The following TRHR variants were observed in gnomAD, a reference collection of about 807,000 sequenced individuals.
TRHR encodes the protein thyrotropin releasing hormone receptor.
Under a neutral mutation model 28.0 loss-of-function variants are expected in TRHR, and 14 were observed. The observed-to-expected ratio is 0.50, with a 90% CI of 0.33 to 0.78. TRHR has a LOEUF of 0.78. Among genes scored for constraint, TRHR ranks in the 30% least tolerant of loss-of-function variants. The pLI, the probability that TRHR is intolerant of heterozygous loss-of-function variation, is 0.02. For missense variants in TRHR, 438 were observed against 469.5 expected (o/e 0.93, Z 0.62); for synonymous variants, 176 against 171.9 (o/e 1.02, Z -0.18).
intron 2 of TRHR, among the ~76,000 whole-genome samples, chr8:109,116,403 T>A (rs1811922180): frequency 6.6e-6 from 1 of 152,138 alleles, no homozygotes; most frequent in Non-Finnish European, 1.5e-5. Flanking sequence ...GTACCTTTGG[T>A]AGAGTTCGGC....
intron 2 of TRHR, among the ~76,000 whole-genome samples, chr8:109,116,964 A>T (rs1358425211): frequency 6.6e-6 from 1 of 152,162 alleles, no homozygotes; most frequent in East Asian, 1.9e-4. Flanking sequence ...ACCTTGAAAC[A>T]GGTTGCTCTT....
chr8:109,096,786 T>C (rs528029129), intron 2 of TRHR, among the ~76,000 whole-genome samples: 2 of 152,184 alleles, frequency 1.3e-5, no homozygotes, highest in South Asian at 4.2e-4. Context: ...TACAAATATA[T>C]GTGTATATAT....
At chr8:109,114,499 G>A (rs1350373905) in intron 2 of TRHR, among the ~76,000 whole-genome samples, 2 of 151,972 alleles carry the variant, frequency 1.3e-5, no homozygotes, top group East Asian at 3.9e-4. Flanking sequence ...AGCACTCCAC[G>A]GAGTGTGACA....
intron 2 of TRHR, among the ~76,000 whole-genome samples, chr8:109,107,008 G>A (rs1435316819): frequency 6.6e-6 from 1 of 152,042 alleles, no homozygotes; most frequent in Non-Finnish European, 1.5e-5. Context: ...GAGACATGAG[G>A]GAAAGTAACT....
intron 2 of TRHR, among the ~76,000 whole-genome samples, chr8:109,093,249 C>T (rs1412403094): frequency 6.6e-6 from 1 of 151,896 alleles, no homozygotes; most frequent in Non-Finnish European, 1.5e-5. Context: ...GTGATCCCCA[C>T]CTCGCTGGGC....
At chr8:109,104,636 C>T (rs981626866) in intron 2 of TRHR, among the ~76,000 whole-genome samples, 24 of 152,012 alleles carry the variant, frequency 1.6e-4, no homozygotes, top group African/African-American at 5.8e-4. Flanking sequence ...CCCTGAAGAA[C>T]AGGACATTTT....
intron 2 of TRHR, among the ~76,000 whole-genome samples, chr8:109,091,527 A>C (rs1811516822): frequency 6.6e-6 from 1 of 152,220 alleles, no homozygotes; most frequent in African/African-American, 2.4e-5. Flanking sequence ...CTTACAGTTT[A>C]ATAAATACTC....
At chr8:109,105,205 T>C (rs145805597) in intron 2 of TRHR, among the ~76,000 whole-genome samples, 101 of 152,304 alleles carry the variant, frequency 6.6e-4, no homozygotes, top group African/African-American at 2.4e-3. Flanking sequence ...GATTTAGTGA[T>C]ATTAAGTTCA....
intron 2 of TRHR, among the ~76,000 whole-genome samples, chr8:109,096,174 T>C (rs146286519): frequency 6.1e-4 from 93 of 152,326 alleles, no homozygotes; most frequent in African/African-American, 2.1e-3. Flanking sequence ...ACTTACATAT[T>C]ACGCTCCAGC....
intron 2 of TRHR, among the ~76,000 whole-genome samples, chr8:109,105,727 T>A (rs1007891203): frequency 2.0e-5 from 3 of 152,124 alleles, no homozygotes; most frequent in African/African-American, 4.8e-5. Flanking sequence ...TCAGAGCATG[T>A]TGTTGTATTG....
At position 109,087,771 on chromosome 8, in the gene TRHR, A is replaced by G. The variant is rs1439328151; in HGVS notation, c.259A>G (p.Ile87Val). Residue 87 changes from isoleucine to valine, a missense_variant, in exon 2 of 3, where the codon ATC becomes GTC. Transcript: ENST00000518632. ...AAGLPNITDS[I>V]YGSWVYGYVG... Reference sequence around the variant, plus strand: ...AGGCCTCCCCAACATAACAGACAGTATCTACGGTTCCTGGGTCTATGGCTA... The same window carrying G: ...AGGCCTCCCCAACATAACAGACAGTGTCTACGGTTCCTGGGTCTATGGCTA... The G allele has an allele frequency of 8.1e-6, 13 of 1,614,048 alleles. No homozygotes were observed. The highest frequency in any genetic ancestry group is 1.1e-5 in the Non-Finnish European group (13 of 1,180,040).
At chr8:109,105,059 C>T (rs187135581) in intron 2 of TRHR, among the ~76,000 whole-genome samples, 65 of 152,098 alleles carry the variant, frequency 4.3e-4, no homozygotes, top group African/African-American at 1.5e-3. Context: ...GTTAATTAAC[C>T]TTTATAATAA....
intron 2 of TRHR, among the ~76,000 whole-genome samples, chr8:109,117,256 C>A (rs753224297): frequency 1.3e-5 from 2 of 151,832 alleles, no homozygotes; most frequent in Non-Finnish European, 2.9e-5. Context: ...AGGAGCATGA[C>A]CTTTGTCTTA....
chr8:109,118,163 C>G (rs1811947196), intron 2 of TRHR, among the ~76,000 whole-genome samples: 1 of 151,916 alleles, frequency 6.6e-6, no homozygotes, highest in Non-Finnish European at 1.5e-5. Context: ...CCCTGAGACT[C>G]TACAGCTTCC....
At chr8:109,105,518 C>T (rs375264391) in intron 2 of TRHR, among the ~76,000 whole-genome samples, 37 of 152,254 alleles carry the variant, frequency 2.4e-4, no homozygotes, top group African/African-American at 8.9e-4. Context: ...ATATGACAAA[C>T]ATTCCTGTTG....
intron 2 of TRHR, among the ~76,000 whole-genome samples, chr8:109,090,866 C>A (rs1411310381): frequency 2.0e-5 from 3 of 152,076 alleles, no homozygotes; most frequent in African/African-American, 7.2e-5. Flanking sequence ...ACTTAGTTGT[C>A]TGAAATGAAT....
At chr8:109,118,098 A>T (rs1260205456) in intron 2 of TRHR, among the ~76,000 whole-genome samples, 1 of 151,832 alleles carries the variant, frequency 6.6e-6, no homozygotes, top group African/African-American at 2.4e-5. Context: ...ACTTCCCTTT[A>T]ACCTGAAAGA....
chr8:109,100,542 C>T lies in TRHR; in HGVS notation c.789+12241C>T, dbSNP rs138194580. On this transcript the variant is annotated intron_variant, in intron 2 of 2. Transcript: ENST00000518632. ...GGTGAAAGTAAGGATCAGATAGATT[C>T]GGACAGATTTGCATCTCCTCACCTA... 3.4e-4 allele frequency among the ~76,000 whole-genome samples: 52 copies of T among 151,998 alleles called. 1 individual carries two copies. In the East Asian group the frequency reaches 8.5e-3, roughly 25 times the overall value.
chr8:109,113,298 T>C (rs577793991), intron 2 of TRHR, among the ~76,000 whole-genome samples: 9 of 152,142 alleles, frequency 5.9e-5, no homozygotes, highest in Non-Finnish European at 1.0e-4. Context: ...ATGGTTGATA[T>C]GTTATGTTGA....
Sources: gnomAD v4.1 joint callset for allele counts (sites outside exome capture counted in the v4.1 genomes callset) on GRCh38, gnomAD v4.1.1 for gene constraint, MANE v1.5 for transcripts, NCBI Gene and HGNC (gene_info 2026-07-23, HGNC 2026-07-21) for gene names.